Variants in GPAT4 observed in about 807,000 individuals in gnomAD.
GPAT4 encodes the protein glycerol-3-phosphate acyltransferase 4.
A neutral mutation model predicts 58.0 loss-of-function variants in GPAT4; 17 were observed. That is an observed-to-expected ratio of 0.29 (90% CI 0.20 to 0.44). GPAT4 has a LOEUF of 0.44. Ranked by LOEUF, GPAT4 falls within the 20% of genes least tolerant of loss-of-function variation. The pLI, the probability that GPAT4 is intolerant of heterozygous loss-of-function variation, is 1.00. For synonymous variants in GPAT4, 204 were observed against 210.1 expected (o/e 0.97, Z 0.25); for missense variants, 377 against 574.5 (o/e 0.66, Z 3.51).
rs750845516 is a variant in GPAT4, at chr8:41,599,238, A to G, written c.99A>G (p.Pro33=). The G allele has an allele frequency of 8.1e-6, 13 of 1,614,088 alleles. No homozygotes were observed. The East Asian group carries it at 2.7e-4, about 33-fold the overall frequency. The change falls in exon 2 of 13, where the codon CCA becomes CCG. Residue 33 remains proline, a synonymous_variant. Coordinates refer to ENST00000396987, the MANE Select transcript of GPAT4 (RefSeq NM_178819.4). ...FTLLLVFIIV[P]AIFGVSFGIR... is the part of the protein sequence containing the mutation. The stretch of plus-strand genomic sequence containing the variant: ...TCCTTCTCGTTTTCATCATAGTGCC[A>G]GCCATTTTTGGAGTCTCCTTTGGTA...
chr8:41,612,924 G>A lies in GPAT4; in HGVS notation c.875G>A (p.Arg292His), dbSNP rs1299459008. 9 of 1,613,990 alleles carry A rather than the reference G, an allele frequency of 5.6e-6. No homozygotes were observed. The highest frequency in any genetic ancestry group is 4.0e-5 in the African/African-American group (3 of 74,886). ...VKACPHVWFE[R>H]SEVKDRHLVA... ...GCCTGCCCACACGTCTGGTTTGAGC[G>A]CTCGGAAGTGAAGGATCGCCACCTG... Residue 292 changes from arginine (R) to histidine (H), a missense_variant, in exon 8 of 13, where the codon CGC (arginine) becomes CAC (histidine). By Grantham distance (29) the Arg-to-His change is conservative. Transcript: ENST00000396987.
At chr8:41,612,096 C>A in intron 6 of GPAT4, 84 bp from the exon 7 acceptor site, 2 of 1,583,862 alleles carry the variant, frequency 1.3e-6, no homozygotes, top group Non-Finnish European at 8.7e-7. Context: ...TTAGTTAGAG[C>A]AGATGAAGCA....
chr8:41,608,137 T>A (rs1443902870), intron 2 of GPAT4, among the ~76,000 whole-genome samples: 1 of 152,242 alleles, frequency 6.6e-6, no homozygotes, highest in African/African-American at 2.4e-5. Context: ...GAACTTTCTT[T>A]GCGTGGTGAC....
rs1017619826 is a variant in GPAT4 at position 41,609,448 on chromosome 8, G to A, written c.198G>A (p.Lys66=). The A allele has an allele frequency of 1.2e-6, 2 of 1,614,154 alleles. No homozygotes were observed. The highest frequency in any genetic ancestry group is 1.7e-6 in the Non-Finnish European group (2 of 1,180,030). The change falls in exon 3 of 13, where the codon AAG becomes AAA. Residue 66 remains lysine, a synonymous_variant. Coordinates refer to ENST00000396987, the MANE Select transcript of GPAT4 (RefSeq NM_178819.4). ...CCTTGAGAATGGAGCGAGGAGCCAA[G>A]GAGAAGAACCACCAGCTTTACAAGC... ...WATLRMERGA[K]EKNHQLYKPY...
intron 10 of GPAT4, among the ~76,000 whole-genome samples, chr8:41,616,449 C>A (rs1803597021): frequency 6.6e-6 from 1 of 152,194 alleles, no homozygotes; most frequent in African/African-American, 2.4e-5. Context: ...GTGCACACCA[C>A]CACACCTGGC....
chr8:41,612,997 T>TA, intron 8 of GPAT4, 37 bp downstream of exon 8: 1 of 1,583,872 alleles, frequency 6.3e-7, no homozygotes, highest in Non-Finnish European at 8.7e-7. Context: ...CTTGGCCAGT[T>TA]AGAATGCTGA....
intron 2 of GPAT4, 28 bp downstream of exon 2, chr8:41,599,332 T>C (rs1239093398): frequency 1.2e-6 from 2 of 1,612,564 alleles, no homozygotes; most frequent in Non-Finnish European, 8.5e-7. Context: ...AAAAGGTTGC[T>C]TCACAGAGGA....
intron 1 of GPAT4, among the ~76,000 whole-genome samples, chr8:41,588,188 G>T (rs1802702983): frequency 6.6e-6 from 1 of 152,180 alleles, no homozygotes; most frequent in African/African-American, 2.4e-5. Flanking sequence ...CAGGCATTGT[G>T]CTTGGTGTGC....
chr8:41,612,122 G>A (rs1251130989), intron 6 of GPAT4, 58 bp from the exon 7 acceptor site: 26 of 1,594,426 alleles, frequency 1.6e-5, no homozygotes, highest in Non-Finnish European at 2.2e-5. Flanking sequence ...GGTGAGAGGT[G>A]TGTTACATGA....
At chr8:41,618,484 G>T in intron 10 of GPAT4, 200 bp from the exon 11 acceptor site, 1 of 647,242 alleles carries the variant, frequency 1.5e-6, no homozygotes, top group East Asian at 2.6e-5. Context: ...AGCAGAGGCC[G>T]GGTTCCTCGG....
At chr8:41,599,792 G>A (rs1210276777) in intron 2 of GPAT4, among the ~76,000 whole-genome samples, 1 of 152,198 alleles carries the variant, frequency 6.6e-6, no homozygotes, top group East Asian at 1.9e-4. Context: ...ACATATGTCA[G>A]AACTTACCTG....
chr8:41,581,134 T>C (rs1802498723), intron 1 of GPAT4, among the ~76,000 whole-genome samples: 1 of 152,222 alleles, frequency 6.6e-6, no homozygotes, highest in Non-Finnish European at 1.5e-5. Flanking sequence ...ATATCATCCG[T>C]TCCATGTATC....
intron 1 of GPAT4, among the ~76,000 whole-genome samples, chr8:41,591,137 G>C (rs1377803206): frequency 6.6e-6 from 1 of 152,048 alleles, no homozygotes. Flanking sequence ...GCAAGCAGGG[G>C]GTACGTGACT....
At chr8:41,590,338 C>A (rs1402375742) in intron 1 of GPAT4, among the ~76,000 whole-genome samples, 2 of 152,242 alleles carry the variant, frequency 1.3e-5, no homozygotes, top group Non-Finnish European at 2.9e-5. Context: ...CCACCTGCCT[C>A]AGCCTCCCAA....
chr8:41,612,893 G>C lies in GPAT4; in HGVS notation c.844G>C (p.Val282Leu), dbSNP rs750301619. The C allele has an allele frequency of 6.2e-7, 1 of 1,614,136 alleles. No homozygotes were observed. Residue 282 changes from valine to leucine, a missense_variant, in exon 8 of 13, where the codon GTG becomes CTG. By Grantham distance (32) the Val-to-Leu change is conservative. Coordinates refer to ENST00000396987, the MANE Select transcript of GPAT4 (RefSeq NM_178819.4). ...CATGGGTGTGATTCAGAGAGCCATG[G>C]TGAAGGCCTGCCCACACGTCTGGTT... Reference protein sequence around the residue: ...GLMGVIQRAMVKACPHVWFER... With the variant: ...GLMGVIQRAMLKACPHVWFER...
At chr8:41,611,840 A>G in intron 5 of GPAT4, 63 bp from the exon 6 acceptor site, 1 of 1,512,770 alleles carries the variant, frequency 6.6e-7, no homozygotes, top group Non-Finnish European at 9.2e-7. Context: ...TGTTGAAGTC[A>G]GTAACTCTTT....
At position 41,609,637 on chromosome 8, in the gene GPAT4, G is replaced by A. The variant is rs367726917; in HGVS notation, c.236-18G>A. ...TCTCCCCCAGCGTGCTGCTTGACAG[G>A]GACACATTCTTTTGCAGGAATCATT... On this transcript the variant is annotated intron_variant, in intron 3 of 12. Coordinates refer to ENST00000396987, the MANE Select transcript of GPAT4 (RefSeq NM_178819.4). The A allele has an allele frequency of 4.4e-6, 7 of 1,608,418 alleles. No homozygotes were observed. Among genetic ancestry groups the A allele is most frequent in the Middle Eastern group, 1.7e-4 (1 of 6,048 alleles).
intron 1 of GPAT4, among the ~76,000 whole-genome samples, chr8:41,581,455 T>C (rs1259170672): frequency 6.6e-6 from 1 of 152,134 alleles, no homozygotes; most frequent in Non-Finnish European, 1.5e-5. Context: ...ACTTGACTTT[T>C]ATTTATTTAT....
At chr8:41,599,440 TAAG>T (rs758710648) in intron 2 of GPAT4, 136 bp downstream of exon 2, 6 of 1,034,962 alleles carry the variant, frequency 5.8e-6, no homozygotes, top group East Asian at 2.6e-5. Flanking sequence ...GCTTTTTGAG[TAAG>T]AAGAATAACT....
Sources: gnomAD v4.1 joint callset for allele counts (sites outside exome capture counted in the v4.1 genomes callset) on GRCh38, gnomAD v4.1.1 for gene constraint, MANE v1.5 for transcripts, NCBI Gene and HGNC (gene_info 2026-07-23, HGNC 2026-07-21) for gene names.